MGAT5: variants seen among roughly 807,000 people sequenced by gnomAD.
The protein encoded by MGAT5 is alpha-1,6-mannosylglycoprotein 6-beta-N-acetylglucosaminyltransferase, also known as alpha-1,6-mannosylglycoprotein 6-beta-N-acetylglucosaminyltransferase A.
MGAT5 carries 30 observed loss-of-function variants against 94.3 expected under a neutral mutation model. The observed-to-expected ratio is 0.32, with a 90% CI of 0.24 to 0.43. The LOEUF (loss-of-function observed/expected upper bound fraction) is 0.43, where lower values mean the gene tolerates loss of function less well. Among genes scored for constraint, MGAT5 ranks in the 20% least tolerant of loss-of-function variants. The pLI, the probability that MGAT5 is intolerant of heterozygous loss-of-function variation, is 1.00. For synonymous variants in MGAT5, 310 were observed against 322.9 expected, an observed-to-expected ratio of 0.96 and a Z score of 0.43; for missense variants, 691 against 905.5, an observed-to-expected ratio of 0.76 and a Z score of 3.04.
At chr2:134,344,210 C>T (rs1466089277) in intron 7 of MGAT5, among the ~76,000 whole-genome samples, 2 of 152,134 alleles carry the variant, frequency 1.3e-5, no homozygotes, top group African/African-American at 4.8e-5. Flanking sequence ...TCAAGTACAT[C>T]GTCACGCTCT....
chr2:134,259,504 G>A (rs746286597), intron 1 of MGAT5, among the ~76,000 whole-genome samples: 1 of 152,170 alleles, frequency 6.6e-6, no homozygotes, highest in Non-Finnish European at 1.5e-5. Flanking sequence ...CCATCCACAC[G>A]TTGTTAACCC....
intron 1 of MGAT5, among the ~76,000 whole-genome samples, chr2:134,217,052 A>G (rs1469931790): frequency 6.6e-6 from 1 of 151,946 alleles, no homozygotes; most frequent in Non-Finnish European, 1.5e-5. Flanking sequence ...TTGTAGATGG[A>G]GGTTGTTCCA....
intron 1 of MGAT5, among the ~76,000 whole-genome samples, chr2:134,158,336 C>T (rs374129221): frequency 1.9e-4 from 29 of 152,350 alleles, no homozygotes; most frequent in Admixed American, 3.9e-4. Context: ...CCCCTCTAAG[C>T]GCCCCCTTGG....
chr2:134,426,927 C>T (rs1330243738), intron 13 of MGAT5, among the ~76,000 whole-genome samples: 2 of 152,164 alleles, frequency 1.3e-5, no homozygotes, highest in Non-Finnish European at 2.9e-5. Flanking sequence ...ACAGTATTTA[C>T]GGCTCAGCCT....
chr2:134,368,308 C>G (rs542651138), intron 10 of MGAT5, among the ~76,000 whole-genome samples: 182 of 152,362 alleles, frequency 1.2e-3, no homozygotes, highest in African/African-American at 4.1e-3. Flanking sequence ...TCAGCGACAG[C>G]CTTGCAGCCA....
At chr2:134,335,720 C>T (rs1688296412) in intron 4 of MGAT5, among the ~76,000 whole-genome samples, 2 of 152,092 alleles carry the variant, frequency 1.3e-5, no homozygotes, top group South Asian at 2.1e-4. Flanking sequence ...CCAATTAGCC[C>T]TAAGCTATCA....
intron 1 of MGAT5, among the ~76,000 whole-genome samples, chr2:134,269,554 T>C (rs1332606986): frequency 6.6e-6 from 1 of 152,216 alleles, no homozygotes; most frequent in African/African-American, 2.4e-5. Context: ...TGATTATGAA[T>C]TTTTAGAGGA....
intron 2 of MGAT5, among the ~76,000 whole-genome samples, chr2:134,306,598 G>C (rs1177395853): frequency 6.6e-6 from 1 of 152,032 alleles, no homozygotes; most frequent in African/African-American, 2.4e-5. Context: ...CCTTCTCATG[G>C]CTTTATCTTT....
intron 1 of MGAT5, among the ~76,000 whole-genome samples, chr2:134,141,568 G>A (rs746555088): frequency 3.9e-5 from 6 of 152,048 alleles, no homozygotes; most frequent in Non-Finnish European, 8.8e-5. Context: ...CAAGGTCTTC[G>A]GGGAGCTTAC....
chr2:134,177,746 C>A (rs1468495888), intron 1 of MGAT5, among the ~76,000 whole-genome samples: 1 of 152,202 alleles, frequency 6.6e-6, no homozygotes, highest in Non-Finnish European at 1.5e-5. Flanking sequence ...GAATTAATGG[C>A]CAGTGCTCAT....
chr2:134,221,399 T>TTAAG (rs1216666668), intron 1 of MGAT5, among the ~76,000 whole-genome samples: 1 of 152,114 alleles, frequency 6.6e-6, no homozygotes, highest in African/African-American at 2.4e-5. Flanking sequence ...AATATTCAGG[T>TTAAG]TAAGGTAAAG....
chr2:134,343,985 CAG>C (rs1421163727), intron 7 of MGAT5, among the ~76,000 whole-genome samples: 4 of 152,084 alleles, frequency 2.6e-5, no homozygotes, highest in Non-Finnish European at 4.4e-5. Context: ...CTTTCATAAA[CAG>C]GGGAGAGGAA....
chr2:134,305,251 G>A (rs1248543906), intron 2 of MGAT5, among the ~76,000 whole-genome samples: 1 of 152,176 alleles, frequency 6.6e-6, no homozygotes, highest in East Asian at 1.9e-4. Flanking sequence ...ATGCGAGACG[G>A]TGAAAACAAA....
intron 1 of MGAT5, among the ~76,000 whole-genome samples, chr2:134,128,549 T>C (rs1236393494): frequency 6.6e-6 from 1 of 152,172 alleles, no homozygotes; most frequent in Admixed American, 6.5e-5. Flanking sequence ...AATACAACTT[T>C]CAAGTTTTAT....
intron 1 of MGAT5, among the ~76,000 whole-genome samples, chr2:134,126,723 T>A (rs569116891): frequency 4.6e-5 from 7 of 152,236 alleles, no homozygotes; most frequent in Non-Finnish European, 8.8e-5. Flanking sequence ...GTAGAGAAGA[T>A]GACCAGGCTC....
At chr2:134,200,781 G>A (rs974205055) in intron 1 of MGAT5, among the ~76,000 whole-genome samples, 2 of 152,128 alleles carry the variant, frequency 1.3e-5, no homozygotes, top group Non-Finnish European at 2.9e-5. Flanking sequence ...CGTCTTGGGA[G>A]GCCAAGATGG....
intron 1 of MGAT5, among the ~76,000 whole-genome samples, chr2:134,194,847 C>G (rs548010372): frequency 2.6e-5 from 4 of 152,174 alleles, no homozygotes; most frequent in Non-Finnish European, 5.9e-5. Flanking sequence ...TGCGCCCCTT[C>G]TTGATATTTG....
intron 1 of MGAT5, among the ~76,000 whole-genome samples, chr2:134,147,827 T>C (rs1278034701): frequency 6.6e-6 from 1 of 152,176 alleles, no homozygotes; most frequent in East Asian, 1.9e-4. Flanking sequence ...GGGAAAAAAA[T>C]AGACGCTGAG....
intron 2 of MGAT5, among the ~76,000 whole-genome samples, chr2:134,304,953 T>C (rs1573750800): frequency 6.6e-6 from 1 of 152,178 alleles, no homozygotes; most frequent in Non-Finnish European, 1.5e-5. Context: ...GCCAATGGCT[T>C]GTAGGTTTCA....
Sources: allele counts gnomAD v4.1 joint callset (sites outside exome capture counted in the v4.1 genomes callset), GRCh38; gene constraint gnomAD v4.1.1; transcripts MANE v1.5; gene names NCBI Gene and HGNC (gene_info 2026-07-23, HGNC 2026-07-21).